The following MAML3 variants were observed in gnomAD, a reference collection of about 807,000 sequenced individuals.
The protein encoded by MAML3 is mastermind-like protein 3.
In MAML3, 27 loss-of-function variants were observed where a neutral mutation model predicts 101.9. The ratio of observed to expected loss-of-function variants is 0.27; its 90% CI spans 0.20 to 0.37. MAML3 has a LOEUF of 0.37. Ranked by LOEUF, MAML3 falls within the 10% of genes least tolerant of loss-of-function variation. MAML3 has a pLI of 1.00. For missense variants in MAML3, 1,316 were observed against 1,444.9 expected, an observed-to-expected ratio of 0.91 and a Z score of 1.45; for synonymous variants, 501 against 555.9, an observed-to-expected ratio of 0.90 and a Z score of 1.39.
At chr4:140,021,575 C>T (rs761581775) in intron 1 of MAML3, among the ~76,000 whole-genome samples, 1 of 152,164 alleles carries the variant, frequency 6.6e-6, no homozygotes, top group Non-Finnish European at 1.5e-5. Context: ...TACCCATATT[C>T]CTTACCTAAT....
At chr4:140,106,021 T>C (rs1008580178) in intron 1 of MAML3, among the ~76,000 whole-genome samples, 5 of 150,678 alleles carry the variant, frequency 3.3e-5, no homozygotes, top group Non-Finnish European at 7.4e-5. Context: ...TCCATCACTC[T>C]GCATTATGCT....
At chr4:139,831,535 C>A (rs1432318055) in intron 2 of MAML3, among the ~76,000 whole-genome samples, 1 of 152,048 alleles carries the variant, frequency 6.6e-6, no homozygotes, top group African/African-American at 2.4e-5. Context: ...GATATTCTAT[C>A]CCTGACCAAG....
intron 1 of MAML3, among the ~76,000 whole-genome samples, chr4:140,130,816 A>G (rs1728779011): frequency 1.3e-5 from 2 of 152,180 alleles, no homozygotes; most frequent in South Asian, 4.1e-4. Context: ...AGAAACATTT[A>G]TTGAGTTCCT....
At chr4:139,881,753 G>A (rs911452337) in intron 2 of MAML3, among the ~76,000 whole-genome samples, 2 of 152,208 alleles carry the variant, frequency 1.3e-5, no homozygotes, top group African/African-American at 4.8e-5. Flanking sequence ...CCAGACTGCA[G>A]TGCAGTGGTG....
chr4:139,837,312 C>G (rs374935238), intron 2 of MAML3, among the ~76,000 whole-genome samples: 3 of 151,180 alleles, frequency 2.0e-5, no homozygotes, highest in Middle Eastern at 3.2e-3. Context: ...CTGGCTAACA[C>G]GGTGAAACCC....
intron 1 of MAML3, among the ~76,000 whole-genome samples, chr4:139,977,805 A>G (rs1449999927): frequency 6.6e-6 from 1 of 152,032 alleles, no homozygotes; most frequent in African/African-American, 2.4e-5. Context: ...CCCAGGAGGC[A>G]GATGCTGCAG....
chr4:139,817,700 A>G (rs1730913469), intron 2 of MAML3, among the ~76,000 whole-genome samples: 1 of 152,172 alleles, frequency 6.6e-6, no homozygotes, highest in African/African-American at 2.4e-5. Context: ...TGATCCTATC[A>G]CACTCCTCCT....
intron 2 of MAML3, among the ~76,000 whole-genome samples, chr4:139,806,371 T>A (rs536467359): frequency 1.3e-5 from 2 of 152,262 alleles, no homozygotes; most frequent in South Asian, 2.1e-4. Context: ...TCTTAACAGA[T>A]GTTCAGTCTC....
rs550248096 is a variant in MAML3, at chr4:140,018,926, G to GA, written c.469-127960dup. 1.5e-3 allele frequency among the ~76,000 whole-genome samples: 212 copies of GA among 144,010 alleles called. 1 individual carries two copies. The highest frequency in any genetic ancestry group is 2.7e-3 in the Admixed American group (40 of 14,664). The allele number at this position is 144,010 out of a possible 152,430, so 94.5% of individuals were successfully genotyped here. On this transcript the variant is annotated intron_variant, in intron 1 of 4. Transcript: ENST00000509479. The stretch of plus-strand genomic sequence containing the variant: ...TAGAAATAAAAAAGACAAGAAAAAT[G>GA]AAAAAATACTTAAAAATAAATGAAG...
At chr4:139,991,306 A>C (rs1339026156) in intron 1 of MAML3, among the ~76,000 whole-genome samples, 2 of 152,222 alleles carry the variant, frequency 1.3e-5, no homozygotes, top group Non-Finnish European at 2.9e-5. Context: ...TGGGGAAAGG[A>C]TTCCCTATTT....
chr4:140,010,146 T>C (rs1481192831), intron 1 of MAML3, among the ~76,000 whole-genome samples: 1 of 152,216 alleles, frequency 6.6e-6, no homozygotes, highest in Non-Finnish European at 1.5e-5. Flanking sequence ...AAAAACGTCA[T>C]TCTTGATTCT....
intron 2 of MAML3, among the ~76,000 whole-genome samples, chr4:139,778,485 A>G (rs1361766013): frequency 1.3e-5 from 2 of 152,220 alleles, no homozygotes; most frequent in African/African-American, 4.8e-5. Context: ...GGAAGGAGAA[A>G]AAGATGGGGA....
chr4:139,853,668 G>A (rs183197274), intron 2 of MAML3, among the ~76,000 whole-genome samples: 63 of 152,168 alleles, frequency 4.1e-4, no homozygotes, highest in African/African-American at 1.4e-3. Context: ...AGGACTTTAG[G>A]CACTGCAGTC....
At position 140,049,156 on chromosome 4, in the gene MAML3, G is replaced by GA. The variant is rs911279243; in HGVS notation, c.468+103703dup. Among the ~76,000 whole-genome samples, 137 of 150,526 alleles carry GA rather than the reference G, an allele frequency of 9.1e-4. 1 individual carries two copies. The Middle Eastern group carries it at 0.017, about 19-fold the overall frequency. ...AGCTACCACTCCTTTTCTTCACAAA[G>GA]AAAAAAAAATGGCATTTATCGCAAG... On this transcript the variant is annotated intron_variant, in intron 1 of 4. Coordinates refer to ENST00000509479, the MANE Select transcript of MAML3 (RefSeq NM_018717.5).
chr4:139,742,851 G>C (rs1729210686), intron 2 of MAML3, among the ~76,000 whole-genome samples: 1 of 152,162 alleles, frequency 6.6e-6, no homozygotes, highest in Non-Finnish European at 1.5e-5. Flanking sequence ...TATAACAATA[G>C]AGGCCTTCAA....
At chr4:139,829,511 A>C (rs994693804) in intron 2 of MAML3, among the ~76,000 whole-genome samples, 1 of 152,220 alleles carries the variant, frequency 6.6e-6, no homozygotes, top group African/African-American at 2.4e-5. Context: ...GAAGCTGAAC[A>C]TACCAAGGGG....
chr4:139,804,316 G>T (rs1234780618), intron 2 of MAML3, among the ~76,000 whole-genome samples: 2 of 151,650 alleles, frequency 1.3e-5, no homozygotes, highest in African/African-American at 4.9e-5. Flanking sequence ...ACCCAGGCTG[G>T]AGTGCAATGG....
chr4:139,738,666 G>T (rs746208507), intron 2 of MAML3, among the ~76,000 whole-genome samples: 14 of 151,468 alleles, frequency 9.2e-5, no homozygotes, highest in Non-Finnish European at 1.8e-4. Flanking sequence ...AATTGCTGGG[G>T]AACATTTGAA....
chr4:139,944,539 A>G (rs1553965397), intron 1 of MAML3, among the ~76,000 whole-genome samples: 1 of 152,088 alleles, frequency 6.6e-6, no homozygotes, highest in Non-Finnish European at 1.5e-5. Flanking sequence ...ATAGTATTCC[A>G]TGGTGTATAT....
Sources: gnomAD v4.1 joint callset for allele counts (sites outside exome capture counted in the v4.1 genomes callset) on GRCh38, gnomAD v4.1.1 for gene constraint, MANE v1.5 for transcripts, NCBI Gene and HGNC (gene_info 2026-07-23, HGNC 2026-07-21) for gene names.